SH3GL3: variants seen among roughly 807,000 people sequenced by gnomAD.
SH3GL3 encodes endophilin-A3.
Under a neutral mutation model 47.7 loss-of-function variants are expected in SH3GL3, and 33 were observed. The observed-to-expected ratio is 0.69, with a 90% CI of 0.52 to 0.92. The LOEUF is 0.92. Ranked by LOEUF, SH3GL3 falls within the 40% of genes least tolerant of loss-of-function variation. SH3GL3 has a pLI of 0.00. For missense variants in SH3GL3, 363 were observed against 417.8 expected (o/e 0.87, Z 1.14); for synonymous variants, 155 against 148.8 (o/e 1.04, Z -0.30).
At chr15:83,497,590 C>T (rs1415921355) in intron 1 of SH3GL3, among the ~76,000 whole-genome samples, 1 of 152,132 alleles carries the variant, frequency 6.6e-6, no homozygotes, top group Non-Finnish European at 1.5e-5. Flanking sequence ...GCAAGTTGGC[C>T]TCTTGTTTAA....
At chr15:83,555,520 G>A (rs147268466) in intron 1 of SH3GL3, among the ~76,000 whole-genome samples, 30 of 152,096 alleles carry the variant, frequency 2.0e-4, no homozygotes, top group African/African-American at 5.8e-4. Context: ...CAAGGCCCCA[G>A]TACAAAACCG....
chr15:83,580,942 G>A (rs768655833), intron 6 of SH3GL3, among the ~76,000 whole-genome samples: 13 of 152,246 alleles, frequency 8.5e-5, no homozygotes, highest in Non-Finnish European at 1.8e-4. Context: ...AAGAGAAAGT[G>A]AATAAGCAGA....
Position 83,565,203 on chromosome 15 carries a change from C to T in SH3GL3, c.184C>T (p.Pro62Ser). ...SKTTEYLQPN[P>S]AYRAKLGMLN... ...AACCACTGAATATCTTCAGCCAAAT[C>T]CAGGTAAAGTTGAAATATTCTCTTG... Residue 62 changes from proline (P) to serine (S), a missense_variant, in exon 3 of 9, where the codon CCA becomes TCA. Transcript: ENST00000427482. 1 of 1,547,018 alleles carries T rather than the reference C, an allele frequency of 6.5e-7. No homozygotes were observed. The highest frequency in any genetic ancestry group is 8.9e-7 in the Non-Finnish European group (1 of 1,121,350).
chr15:83,499,534 AATC>A (rs2042214814), intron 1 of SH3GL3, among the ~76,000 whole-genome samples: 1 of 152,208 alleles, frequency 6.6e-6, no homozygotes, highest in African/African-American at 2.4e-5. Flanking sequence ...TCATACGTGT[AATC>A]ATATGTTCAA....
At chr15:83,534,271 G>C (rs2043809389) in intron 1 of SH3GL3, among the ~76,000 whole-genome samples, 1 of 152,158 alleles carries the variant, frequency 6.6e-6, no homozygotes, top group African/African-American at 2.4e-5. Flanking sequence ...CTCCAAAACT[G>C]TGAGCTAAAT....
chr15:83,603,585 G>A (rs2060442556), intron 8 of SH3GL3, among the ~76,000 whole-genome samples: 1 of 152,106 alleles, frequency 6.6e-6, no homozygotes, highest in Non-Finnish European at 1.5e-5. Flanking sequence ...TGCTTATCTT[G>A]TTTTCTTTGG....
intron 8 of SH3GL3, among the ~76,000 whole-genome samples, chr15:83,611,787 G>T (rs1252724573): frequency 6.6e-6 from 1 of 152,116 alleles, no homozygotes; most frequent in South Asian, 2.1e-4. Flanking sequence ...CCTTGGAGAG[G>T]CTTATATCTA....
chr15:83,564,810 A>G (rs2045459587), intron 2 of SH3GL3, among the ~76,000 whole-genome samples: 1 of 152,178 alleles, frequency 6.6e-6, no homozygotes, highest in Non-Finnish European at 1.5e-5. Context: ...ATCTAGTGTT[A>G]GTTTTGAGAG....
intron 8 of SH3GL3, among the ~76,000 whole-genome samples, chr15:83,612,729 C>G (rs2060702070): frequency 1.3e-5 from 2 of 152,174 alleles, no homozygotes. Context: ...TGCTTCCCTG[C>G]CTCCAGAAAG....
At chr15:83,560,360 G>A (rs17585219) in intron 2 of SH3GL3, among the ~76,000 whole-genome samples, 18,082 of 152,222 alleles carry the variant, frequency 0.12, 1,272 homozygotes, top group Middle Eastern at 0.21. Flanking sequence ...AAATGTTAAT[G>A]CCTTGAGGGA....
chr15:83,478,456 T>C (rs1306888453), intron 1 of SH3GL3, among the ~76,000 whole-genome samples: 4 of 152,202 alleles, frequency 2.6e-5, no homozygotes, highest in Non-Finnish European at 4.4e-5. Flanking sequence ...TATCTGCAAA[T>C]TGGAGTTAAT....
At chr15:83,519,630 T>C (rs749107982) in intron 1 of SH3GL3, among the ~76,000 whole-genome samples, 1 of 152,214 alleles carries the variant, frequency 6.6e-6, no homozygotes, top group African/African-American at 2.4e-5. Flanking sequence ...CTTTCACTTC[T>C]TTTCCTATTT....
chr15:83,610,445 A>T lies in SH3GL3; in HGVS notation c.839-7637A>T, dbSNP rs369802982. Among the ~76,000 whole-genome samples, 26 of 152,290 alleles carry T rather than the reference A, an allele frequency of 1.7e-4. No individual in the cohort carries two copies. In the East Asian group the frequency reaches 4.8e-3, roughly 28 times the overall value. Reference sequence around the variant, plus strand: ...GTACTCAGGAGGCTAAGGTGGAAGGATTGCTTGAGCCCAGGAGGTCAAGGC... The same window carrying T: ...GTACTCAGGAGGCTAAGGTGGAAGGTTTGCTTGAGCCCAGGAGGTCAAGGC... On this transcript the variant is annotated intron_variant, in intron 8 of 8. Transcript: ENST00000427482.
intron 8 of SH3GL3, among the ~76,000 whole-genome samples, chr15:83,601,183 T>C (rs2060368818): frequency 6.6e-6 from 1 of 152,224 alleles, no homozygotes; most frequent in African/African-American, 2.4e-5. Context: ...TTGGATGCCC[T>C]TTATTTCTTT....
chr15:83,480,556 T>G (rs568989291), intron 1 of SH3GL3, among the ~76,000 whole-genome samples: 88 of 152,286 alleles, frequency 5.8e-4, no homozygotes, highest in African/African-American at 2.0e-3. Flanking sequence ...TCACGGTGGC[T>G]GAGGTAGAAT....
chr15:83,472,940 C>T (rs1186268970), intron 1 of SH3GL3, among the ~76,000 whole-genome samples: 1 of 152,098 alleles, frequency 6.6e-6, no homozygotes, highest in Non-Finnish European at 1.5e-5. Context: ...GGTGGGGTCT[C>T]ATTATTGCTG....
intron 1 of SH3GL3, among the ~76,000 whole-genome samples, chr15:83,522,955 T>A (rs1216226663): frequency 6.6e-6 from 1 of 152,194 alleles, no homozygotes; most frequent in Non-Finnish European, 1.5e-5. Flanking sequence ...GACAAATAGA[T>A]CATTAACACC....
At chr15:83,492,121 A>T (rs1383057082) in intron 1 of SH3GL3, among the ~76,000 whole-genome samples, 1 of 151,972 alleles carries the variant, frequency 6.6e-6, no homozygotes, top group Non-Finnish European at 1.5e-5. Context: ...CGTCTCTACT[A>T]AAAATACAAA....
intron 8 of SH3GL3, among the ~76,000 whole-genome samples, chr15:83,596,985 C>G (rs1011784753): frequency 6.6e-6 from 1 of 152,088 alleles, no homozygotes; most frequent in Non-Finnish European, 1.5e-5. Context: ...ATTTATTTAG[C>G]ATATCTATTG....
Sources: gnomAD v4.1 joint callset for allele counts (sites outside exome capture counted in the v4.1 genomes callset) on GRCh38, gnomAD v4.1.1 for gene constraint, MANE v1.5 for transcripts, NCBI Gene and HGNC (gene_info 2026-07-23, HGNC 2026-07-21) for gene names.